HPSE2: variants seen among roughly 807,000 people sequenced by gnomAD.
HPSE2 encodes the protein inactive heparanase-2.
HPSE2 carries 38 observed loss-of-function variants against 60.5 expected under a neutral mutation model. The ratio of observed to expected loss-of-function variants is 0.63; its 90% confidence interval spans 0.48 to 0.82. The LOEUF is 0.82. Among genes scored for constraint, HPSE2 ranks in the 40% least tolerant of loss-of-function variants. HPSE2 has a pLI of 0.00. For synonymous variants in HPSE2, 295 were observed against 293.2 expected (o/e 1.01, Z -0.06); for missense variants, 713 against 740.4 (o/e 0.96, Z 0.43).
At chr10:98,639,985 A>G (rs1946596991) in intron 7 of HPSE2, among the ~76,000 whole-genome samples, 1 of 152,218 alleles carries the variant, frequency 6.6e-6, no homozygotes. Context: ...CACTCAATAA[A>G]TATTTATTGA....
At chr10:99,052,032 A>T (rs1958003282) in intron 3 of HPSE2, among the ~76,000 whole-genome samples, 1 of 152,070 alleles carries the variant, frequency 6.6e-6, no homozygotes, top group Non-Finnish European at 1.5e-5. Context: ...CAGTTACAAT[A>T]AAAATTACTC....
intron 3 of HPSE2, among the ~76,000 whole-genome samples, chr10:99,087,937 CT>C (rs1484685525): frequency 6.6e-6 from 1 of 151,648 alleles, no homozygotes; most frequent in East Asian, 1.9e-4. Flanking sequence ...CATCCATTCC[CT>C]TCCATCCCTT....
intron 9 of HPSE2, among the ~76,000 whole-genome samples, chr10:98,544,303 C>A (rs541525344): frequency 6.6e-6 from 1 of 152,250 alleles, no homozygotes; most frequent in African/African-American, 2.4e-5. Flanking sequence ...ACACAACATA[C>A]CAGAATCTCT....
chr10:98,699,475 A>G (rs1948338664), intron 5 of HPSE2, among the ~76,000 whole-genome samples: 1 of 91,636 alleles, frequency 1.1e-5, no homozygotes, highest in Non-Finnish European at 2.6e-5. Flanking sequence ...TAAATTAGGT[A>G]TTGATGGGAC....
intron 2 of HPSE2, among the ~76,000 whole-genome samples, chr10:99,206,261 C>A (rs1848741326): frequency 6.6e-6 from 1 of 152,200 alleles, no homozygotes; most frequent in Admixed American, 6.5e-5. Context: ...TTCCATAAGG[C>A]TTCTGGTCAA....
At chr10:99,260,017 G>A in the HPSE2 span, among the ~76,000 whole-genome samples, 3 of 152,080 alleles carry the variant, frequency 2.0e-5, no homozygotes, top group Admixed American at 1.3e-4. Context: ...GTGCCAAAAA[G>A]GTAGGGGACT....
rs199909397 is a variant in HPSE2, at chr10:98,995,776, C to CA, written c.610+148461dup. 6.8e-4 allele frequency among the ~76,000 whole-genome samples: 104 copies of CA among 152,102 alleles called. No individual in the cohort carries two copies. In the East Asian group the frequency reaches 0.02, roughly 29 times the overall value. ...ATAAAAAGCCAATAATCAACCCCCT[C>CA]AAAAAAGAATCAAAAGAAAACCAGG... On this transcript the variant is annotated intron_variant, in intron 3 of 11. Transcript: ENST00000370552.
intron 6 of HPSE2, among the ~76,000 whole-genome samples, chr10:98,690,398 T>A (rs1676004): frequency 0.35 from 53,493 of 151,628 alleles, 9,629 homozygotes; most frequent in Admixed American, 0.41. Flanking sequence ...AAAATTAGCC[T>A]GGCGTGGTGG....
chr10:99,118,395 C>T (rs555126763), intron 3 of HPSE2, among the ~76,000 whole-genome samples: 14 of 151,690 alleles, frequency 9.2e-5, no homozygotes, highest in South Asian at 2.1e-4. Flanking sequence ...TGTTGGCAGG[C>T]GCCTGTAGTC....
At chr10:98,687,956 T>C (rs954249637) in intron 6 of HPSE2, among the ~76,000 whole-genome samples, 3 of 152,228 alleles carry the variant, frequency 2.0e-5, no homozygotes, top group Admixed American at 6.5e-5. Context: ...TAATTATTGA[T>C]ATAATCATGG....
intron 11 of HPSE2, among the ~76,000 whole-genome samples, chr10:98,482,265 C>T (rs1279530153): frequency 6.6e-6 from 1 of 152,148 alleles, no homozygotes; most frequent in Non-Finnish European, 1.5e-5. Context: ...TTCTCAACTA[C>T]CAGGATGTTT....
the HPSE2 span, among the ~76,000 whole-genome samples, chr10:99,284,306 T>C: frequency 6.6e-6 from 1 of 151,886 alleles, no homozygotes; most frequent in East Asian, 1.9e-4. Flanking sequence ...GTTGATAGAG[T>C]AAAAGCATTT....
Position 98,560,468 on chromosome 10 carries a change from T to A in HPSE2, c.1320+54436A>T, listed in dbSNP as rs142612731. ...CACAGGTGGTCCCATGGCCTGCCAC[T>A]CCCTTGGGGATCTCCTGATGAACCC... On this transcript the variant is annotated intron_variant, in intron 9 of 11. Coordinates refer to ENST00000370552, the MANE Select transcript of HPSE2 (RefSeq NM_021828.5). Among the ~76,000 whole-genome samples the A allele has an allele frequency of 1.7e-3, 254 of 152,336 alleles. 1 individual carries two copies. Among genetic ancestry groups the A allele is most frequent in the African/African-American group, 5.9e-3 (247 of 41,582 alleles).
Position 98,596,933 on chromosome 10 carries a change from T to C in HPSE2, c.1320+17971A>G, listed in dbSNP as rs191372187. ...GGGTAATTTATAAAGGAAAGAGGTT[T>C]AATTGACTCACAGTTCAGCATGAGT... On this transcript the variant is annotated intron_variant, in intron 9 of 11. Coordinates refer to ENST00000370552, the MANE Select transcript of HPSE2 (RefSeq NM_021828.5). 3.3e-4 allele frequency among the ~76,000 whole-genome samples: 50 copies of C among 152,302 alleles called. No homozygotes were observed. In the Middle Eastern group the frequency reaches 0.01, roughly 31 times the overall value.
intron 11 of HPSE2, chr10:98,461,618 C>T: frequency 1.7e-6 from 1 of 603,928 alleles, no homozygotes; most frequent in South Asian, 2.4e-5. Flanking sequence ...ATATCTATCA[C>T]CCAGATATAA....
rs200443419 is a variant in HPSE2, at chr10:98,490,033, A to G, written c.1466+18T>C. ...GAGCCCCTCAGGTGGCCTTTCTGCC[A>G]TCTTTCTGAGGACTTACTTGTGGTG... is the stretch of plus-strand genomic sequence containing the variant. On this transcript the variant is annotated intron_variant, in intron 10 of 11. Coordinates refer to ENST00000370552, the MANE Select transcript of HPSE2 (RefSeq NM_021828.5). 224 of 1,614,014 alleles carry G rather than the reference A, an allele frequency of 1.4e-4. No homozygotes were observed. Among genetic ancestry groups the G allele is most frequent in the East Asian group, 2.0e-4 (9 of 44,890 alleles).
intron 3 of HPSE2, among the ~76,000 whole-genome samples, chr10:98,878,927 T>C (rs981267255): frequency 1.3e-5 from 2 of 152,028 alleles, no homozygotes; most frequent in South Asian, 4.1e-4. Flanking sequence ...ATAGATTAAA[T>C]ATCTGGCAAG....
chr10:98,599,506 G>C (rs1481071911), intron 9 of HPSE2, among the ~76,000 whole-genome samples: 1 of 152,180 alleles, frequency 6.6e-6, no homozygotes, highest in Non-Finnish European at 1.5e-5. Context: ...GGCGGGTTTG[G>C]AGACTCAGTC....
intron 4 of HPSE2, among the ~76,000 whole-genome samples, chr10:98,730,147 T>C (rs1949192371): frequency 6.6e-6 from 1 of 152,150 alleles, no homozygotes; most frequent in African/African-American, 2.4e-5. Context: ...ATACAATGGA[T>C]GTGCTTTAAT....
Sources: gnomAD v4.1 joint callset for allele counts (sites outside exome capture counted in the v4.1 genomes callset) on GRCh38, gnomAD v4.1.1 for gene constraint, MANE v1.5 for transcripts, NCBI Gene and HGNC (gene_info 2026-07-23, HGNC 2026-07-21) for gene names.